DLG2: variants seen among roughly 807,000 people sequenced by gnomAD.
The protein encoded by DLG2 is disks large homolog 2.
In DLG2, 45 loss-of-function variants were observed where a neutral mutation model predicts 132.5. The ratio of observed to expected loss-of-function variants is 0.34; its 90% CI spans 0.27 to 0.44. The LOEUF is 0.44. DLG2 is among the 20% of genes least tolerant of loss of function. The pLI, the probability that DLG2 is intolerant of heterozygous loss-of-function variation, is 1.00. For missense variants in DLG2, 1,045 were observed against 1,196.9 expected (o/e 0.87, Z 1.87); for synonymous variants, 424 against 419.6 (o/e 1.01, Z -0.13).
intron 6 of DLG2, among the ~76,000 whole-genome samples, chr11:84,848,017 T>C (rs376432619): frequency 1.3e-5 from 2 of 152,180 alleles, no homozygotes; most frequent in East Asian, 3.9e-4. Flanking sequence ...ACTGTAAACA[T>C]TGGTCATTTT....
At chr11:85,173,856 A>G (rs1299014725) in intron 4 of DLG2, among the ~76,000 whole-genome samples, 1 of 152,216 alleles carries the variant, frequency 6.6e-6, no homozygotes, top group African/African-American at 2.4e-5. Flanking sequence ...AAACCAACAA[A>G]GATCAAAAAA....
intron 17 of DLG2, among the ~76,000 whole-genome samples, chr11:83,794,580 A>G (rs2050872764): frequency 1.3e-5 from 2 of 151,972 alleles, no homozygotes; most frequent in South Asian, 4.1e-4. Context: ...ATTGGATGCC[A>G]TTAATTATTG....
intron 5 of DLG2, among the ~76,000 whole-genome samples, chr11:85,139,854 G>A (rs761610652): frequency 1.3e-5 from 2 of 151,914 alleles, no homozygotes; most frequent in Non-Finnish European, 1.5e-5. Context: ...TATATGGTAA[G>A]TATGTGTATA....
rs548115661 is a variant in DLG2, at chr11:85,268,403, C to T, written c.186+16817G>A. ...CTTTTCTTCACATTGACCTGCCTTT[C>T]CAGACTGAACCAATGGACTTCTTAC... is the stretch of plus-strand genomic sequence containing the variant. On this transcript the variant is annotated intron_variant, in intron 4 of 27. Coordinates refer to ENST00000376104, the MANE Select transcript of DLG2 (RefSeq NM_001142699.3). Among the ~76,000 whole-genome samples the T allele has an allele frequency of 4.6e-5, 7 of 152,306 alleles. No homozygotes were observed. The South Asian group carries it at 6.2e-4, about 14-fold the overall frequency.
rs184020830 is a variant in DLG2, at chr11:84,500,152, G to A, written c.519+34418C>T. Among the ~76,000 whole-genome samples the A allele has an allele frequency of 1.2e-3, 180 of 152,172 alleles. 2 individuals are homozygous for A. Among genetic ancestry groups the A allele is most frequent in the African/African-American group, 3.7e-3 (155 of 41,516 alleles). ...TAAAGAAAATAAAATAAACATGGTC[G>A]TATGATAGAGCGAGTTGGAAAGGTA... On this transcript the variant is annotated intron_variant, in intron 7 of 27. Coordinates refer to ENST00000376104, the MANE Select transcript of DLG2 (RefSeq NM_001142699.3).
intron 6 of DLG2, among the ~76,000 whole-genome samples, chr11:84,713,238 T>G (rs1596316806): frequency 6.6e-6 from 1 of 152,084 alleles, no homozygotes; most frequent in Non-Finnish European, 1.5e-5. Flanking sequence ...AGGTTCAAAT[T>G]TTGGCTCTGC....
intron 6 of DLG2, among the ~76,000 whole-genome samples, chr11:84,603,602 A>T (rs2099580487): frequency 6.6e-6 from 1 of 151,938 alleles, no homozygotes; most frequent in East Asian, 1.9e-4. Context: ...CATCCTCTTA[A>T]TGGCTTCATT....
chr11:84,384,226 C>A (rs1479036063), intron 7 of DLG2, among the ~76,000 whole-genome samples: 2 of 151,024 alleles, frequency 1.3e-5, no homozygotes, highest in East Asian at 1.9e-4. Flanking sequence ...AATCTATAAG[C>A]CTACATCTTA....
At chr11:85,500,949 T>C (rs2093786942) in intron 3 of DLG2, among the ~76,000 whole-genome samples, 1 of 151,826 alleles carries the variant, frequency 6.6e-6, no homozygotes. Context: ...ATAAAAGAGC[T>C]CCCATAGCCA....
intron 3 of DLG2, among the ~76,000 whole-genome samples, chr11:85,473,975 C>T (rs1049161032): frequency 9.9e-5 from 15 of 151,836 alleles, no homozygotes; most frequent in Non-Finnish European, 8.8e-5. Context: ...CCAAATATAT[C>T]GGTAGCCTCA....
In DLG2 at chr11:84,173,863, T is replaced by A. The variant is rs187560881; in HGVS notation, c.574-10352A>T. ...CACTCGCAACTTCCCTTTCCTTCCA[T>A]CACAGGGTCTATCCTTGCTAGTCTC... is the stretch of plus-strand genomic sequence containing the variant. On this transcript the variant is annotated intron_variant, in intron 8 of 27. Coordinates refer to ENST00000376104, the MANE Select transcript of DLG2 (RefSeq NM_001142699.3). 9.3e-4 allele frequency among the ~76,000 whole-genome samples: 142 copies of A among 152,090 alleles called. 1 individual carries two copies. Among genetic ancestry groups the A allele is most frequent in the Non-Finnish European group, 1.8e-3 (123 of 68,022 alleles).
At chr11:83,671,546 A>C (rs1209063890) in intron 18 of DLG2, among the ~76,000 whole-genome samples, 1 of 152,244 alleles carries the variant, frequency 6.6e-6, no homozygotes. Flanking sequence ...AAATGTAGTT[A>C]AAGAAATAAG....
rs534317572 is a variant in DLG2 at position 84,236,233 on chromosome 11, C to T, written c.573+15005G>A. On this transcript the variant is annotated intron_variant, in intron 8 of 27. Transcript: ENST00000376104. The stretch of plus-strand genomic sequence containing the variant: ...TAAATTTATTAAATCAAACTGCCAT[C>T]GAATAAACCTGAGTTAAATAAACTT... Among the ~76,000 whole-genome samples, 105 of 152,264 alleles carry T rather than the reference C, an allele frequency of 6.9e-4. 2 individuals are homozygous for T. In the South Asian group the frequency reaches 0.019, roughly 28 times the overall value.
chr11:84,182,435 G>A (rs553042026), intron 8 of DLG2, among the ~76,000 whole-genome samples: 45 of 151,630 alleles, frequency 3.0e-4, no homozygotes, highest in African/African-American at 9.2e-4. Flanking sequence ...AAAGGCTGAC[G>A]CAGGAGGATC....
At chr11:85,219,117 C>G (rs2082831105) in intron 4 of DLG2, among the ~76,000 whole-genome samples, 1 of 152,112 alleles carries the variant, frequency 6.6e-6, no homozygotes, top group Admixed American at 6.6e-5. Flanking sequence ...AACTACCTAT[C>G]AGGTACCATG....
At chr11:85,470,851 G>C (rs751397195) in intron 3 of DLG2, among the ~76,000 whole-genome samples, 1 of 152,246 alleles carries the variant, frequency 6.6e-6, no homozygotes, top group Non-Finnish European at 1.5e-5. Flanking sequence ...TAGACAGTGA[G>C]AGGACTTTTT....
At chr11:85,492,813 A>G (rs1329914216) in intron 3 of DLG2, among the ~76,000 whole-genome samples, 3 of 152,136 alleles carry the variant, frequency 2.0e-5, no homozygotes, top group Non-Finnish European at 4.4e-5. Flanking sequence ...GCTGAACCTG[A>G]GGTATAATGA....
chr11:83,518,632 T>G (rs1345817986), intron 21 of DLG2, among the ~76,000 whole-genome samples: 4 of 152,208 alleles, frequency 2.6e-5, no homozygotes, highest in Non-Finnish European at 5.9e-5. Context: ...TGCTGGGAGC[T>G]GTAGACTGGA....
At chr11:84,824,874 C>G (rs1190887165) in intron 6 of DLG2, among the ~76,000 whole-genome samples, 1 of 151,808 alleles carries the variant, frequency 6.6e-6, no homozygotes, top group African/African-American at 2.4e-5. Context: ...GGTGGCCTCC[C>G]CCTCAGCCAC....
Sources: gnomAD v4.1 joint callset for allele counts (sites outside exome capture counted in the v4.1 genomes callset) on GRCh38, gnomAD v4.1.1 for gene constraint, MANE v1.5 for transcripts, NCBI Gene and HGNC (gene_info 2026-07-23, HGNC 2026-07-21) for gene names.